SPTA1: variants seen among roughly 807,000 people sequenced by gnomAD.
The protein encoded by SPTA1 is spectrin alpha chain, erythrocytic 1.
In SPTA1, 177 loss-of-function variants were observed where a neutral mutation model predicts 324.7. The observed-to-expected ratio is 0.55, with a 90% CI of 0.48 to 0.62. The LOEUF is 0.62. Among genes scored for constraint, SPTA1 ranks in the 20% least tolerant of loss-of-function variants. The pLI is 0.00. For synonymous variants in SPTA1, 1,195 were observed against 1,041.3 expected, an observed-to-expected ratio of 1.15 and a Z score of -2.84; for missense variants, 3,162 against 2,883.6, an observed-to-expected ratio of 1.10 and a Z score of -2.21.
chr1:158,653,552 T>C, intron 21 of SPTA1, 127 bp from the exon 22 acceptor site: 2 of 1,250,116 alleles, frequency 1.6e-6, no homozygotes, highest in Admixed American at 1.9e-5. Flanking sequence ...CCATGTCTAA[T>C]GAGTGGCACA....
chr1:158,669,198 T>C (rs1345149904), intron 14 of SPTA1, among the ~76,000 whole-genome samples: 1 of 152,108 alleles, frequency 6.6e-6, no homozygotes, highest in Non-Finnish European at 1.5e-5. Flanking sequence ...GTGAAGAACA[T>C]CAGAATATAG....
chr1:158,615,130 G>T, intron 48 of SPTA1, 86 bp downstream of exon 48: 1 of 1,488,064 alleles, frequency 6.7e-7, no homozygotes, highest in Non-Finnish European at 9.3e-7. Context: ...CTTTTATCTG[G>T]TGCACCAAAC....
intron 26 of SPTA1, 72 bp from the exon 27 acceptor site, chr1:158,647,792 G>A: frequency 6.5e-7 from 1 of 1,546,936 alleles, no homozygotes; most frequent in Non-Finnish European, 8.9e-7. Flanking sequence ...AGAATCCTGA[G>A]TCCCAGTATT....
chr1:158,625,633 A>G (rs1650218885), intron 42 of SPTA1, among the ~76,000 whole-genome samples: 1 of 151,916 alleles, frequency 6.6e-6, no homozygotes, highest in African/African-American at 2.4e-5. Context: ...CTACCAAATA[A>G]TAAAAAGATA....
rs1653681232 is a variant in SPTA1, at chr1:158,667,330, C to G, written c.2038+528G>C. Reference sequence around the variant, plus strand: ...GGGTAAAATATAAGTGAAGACTCTCCAAGAAGACATGTGAGATTGTTTTAA... The same window carrying G: ...GGGTAAAATATAAGTGAAGACTCTCGAAGAAGACATGTGAGATTGTTTTAA... On this transcript the variant is annotated intron_variant, in intron 15 of 51. Transcript: ENST00000643759. Among the ~76,000 whole-genome samples the G allele has an allele frequency of 2.0e-5, 3 of 152,124 alleles. No individual in the cohort carries two copies. In the South Asian group the frequency reaches 6.2e-4, roughly 31 times the overall value.
In SPTA1 at chr1:158,662,912, A is replaced by G; in HGVS notation, c.2254T>C (p.Tyr752His). 1 of 1,614,104 alleles carries G rather than the reference A, an allele frequency of 6.2e-7. No homozygotes were observed. Among genetic ancestry groups the G allele is most frequent in the Non-Finnish European group, 8.5e-7 (1 of 1,179,968 alleles). ...TCAGGATGGCCTATTTCTTCAAAAT[A>G]TGCAGCCAGGTCTGTAAGGATATCC... ...QVDILTDLAA[Y>H]FEEIGHPDSK... Residue 752 changes from tyrosine to histidine, a missense_variant, in exon 17 of 52, where the codon TAT becomes CAT. Tyr to His is a moderately conservative substitution (Grantham distance 83). Transcript: ENST00000643759.
chr1:158,611,133 A>G lies in SPTA1; in HGVS notation c.*131T>C, dbSNP rs550688663. ...ATGTAATATGCACACAAACACAAGC[A>G]CACACACACACACACACACACACAC... is the stretch of plus-strand genomic sequence containing the variant. On this transcript the variant is annotated 3_prime_UTR_variant, in exon 52 of 52. Transcript: ENST00000643759. 29 of 199,644 alleles carry G rather than the reference A, an allele frequency of 1.5e-4. No homozygotes were observed. The highest frequency in any genetic ancestry group is 1.8e-4 in the Non-Finnish European group (24 of 129,756). 12.4% of individuals were successfully genotyped at this position (199,644 alleles called of 1,614,324 possible).
rs370350798 is a variant in SPTA1 at position 158,611,420 on chromosome 1, T to C, written c.7135-31A>G. ...AAGTATAAAAAGAGAAAAATACAGT[T>C]ATAGGGATTCAAAATAGCTGGTTCC... On this transcript the variant is annotated intron_variant, in intron 51 of 51. Transcript: ENST00000643759. 5.0e-6 allele frequency: 8 copies of C among 1,612,410 alleles called. No homozygotes were observed. In the East Asian group the frequency reaches 6.7e-5, roughly 13 times the overall value.
intron 18 of SPTA1, among the ~76,000 whole-genome samples, chr1:158,659,671 C>T (rs1476509360): frequency 1.0e-4 from 9 of 87,840 alleles, no homozygotes; most frequent in South Asian, 3.3e-4. Flanking sequence ...ACTGCAGTGG[C>T]GCAATCTCGG....
chr1:158,611,105 T>C lies in SPTA1; in HGVS notation c.*159A>G, dbSNP rs1649225811. ...CTTGAGATTTTTTAAGATCCTACAATAAATGTAATATGCACACAAACACAA... is the reference window on the plus strand; with the variant it reads ...CTTGAGATTTTTTAAGATCCTACAACAAATGTAATATGCACACAAACACAA... On this transcript the variant is annotated 3_prime_UTR_variant, in exon 52 of 52. Transcript: ENST00000643759. The C allele has an allele frequency of 1.0e-6, 1 of 956,708 alleles. No homozygotes were observed. Among genetic ancestry groups the C allele is most frequent in the South Asian group, 1.5e-5 (1 of 66,106 alleles). 59.3% of individuals were successfully genotyped at this position (956,708 alleles called of 1,614,324 possible).
intron 46 of SPTA1, 136 bp downstream of exon 46, chr1:158,617,903 C>G: frequency 1.1e-6 from 1 of 872,546 alleles, no homozygotes; most frequent in Non-Finnish European, 1.9e-6. Context: ...ATGAGCTTTT[C>G]CTTCTCACTC....
chr1:158,619,669 C>T (rs750220290), intron 44 of SPTA1, among the ~76,000 whole-genome samples: 20 of 152,160 alleles, frequency 1.3e-4, no homozygotes, highest in Non-Finnish European at 2.8e-4. Context: ...AAAGGGCCTG[C>T]TACCCTTAGA....
chr1:158,653,494 C>T (rs999074311), intron 21 of SPTA1, 69 bp from the exon 22 acceptor site: 2 of 1,593,580 alleles, frequency 1.3e-6, no homozygotes, highest in African/African-American at 1.3e-5. Flanking sequence ...GAGACTTCAA[C>T]ACTAAGTCTC....
At chr1:158,669,386 A>G in intron 14 of SPTA1, 22 bp downstream of exon 14, 11 of 1,613,994 alleles carry the variant, frequency 6.8e-6, no homozygotes, top group Non-Finnish European at 8.5e-6. Context: ...AACTACATCC[A>G]GCTCCTGAAA....
chr1:158,621,356 T>A (rs1332807116), intron 43 of SPTA1, among the ~76,000 whole-genome samples: 3 of 152,126 alleles, frequency 2.0e-5, no homozygotes, highest in Non-Finnish European at 2.9e-5. Context: ...CTGGCCCAAA[T>A]GGAGGGAGGA....
chr1:158,653,664 G>C (rs1652624343), intron 21 of SPTA1, among the ~76,000 whole-genome samples: 1 of 152,166 alleles, frequency 6.6e-6, no homozygotes. Flanking sequence ...ACTTTGGAGA[G>C]ATTTTCAAAC....
At chr1:158,672,979 G>A (rs562216300) in intron 10 of SPTA1, among the ~76,000 whole-genome samples, 12 of 151,850 alleles carry the variant, frequency 7.9e-5, no homozygotes, top group South Asian at 4.2e-4. Flanking sequence ...AAAATTAGCC[G>A]GATGTGGTGG....
intron 27 of SPTA1, among the ~76,000 whole-genome samples, chr1:158,647,117 CT>C (rs1408774042): frequency 6.6e-6 from 1 of 152,002 alleles, no homozygotes; most frequent in African/African-American, 2.4e-5. Flanking sequence ...AAAAGTTTGA[CT>C]GATAAGGTGT....
chr1:158,628,382 T>C (rs1650430751), intron 39 of SPTA1, among the ~76,000 whole-genome samples: 1 of 152,116 alleles, frequency 6.6e-6, no homozygotes, highest in Admixed American at 6.5e-5. Flanking sequence ...ATAAAAGCAC[T>C]CTGTCAATTT....
Sources: allele counts gnomAD v4.1 joint callset (sites outside exome capture counted in the v4.1 genomes callset), GRCh38; gene constraint gnomAD v4.1.1; transcripts MANE v1.5; gene names NCBI Gene and HGNC (gene_info 2026-07-23, HGNC 2026-07-21).